The following TMEM14A variants were observed in gnomAD, a reference collection of about 807,000 sequenced individuals.
TMEM14A encodes transmembrane protein 14A.
In TMEM14A, 8 loss-of-function variants were observed where a neutral mutation model predicts 11.6. The ratio of observed to expected loss-of-function variants is 0.69; its 90% CI spans 0.40 to 1.24. The LOEUF is 1.24. Ranked by LOEUF, TMEM14A falls within the 50% of genes most tolerant of loss-of-function variation. The probability of loss-of-function intolerance (pLI) is 0.01; values close to 1 mark genes in which losing one functional copy is unlikely to be tolerated. For synonymous variants in TMEM14A, 34 were observed against 45.5 expected, an observed-to-expected ratio of 0.75 and a Z score of 1.02; for missense variants, 108 against 121.9, an observed-to-expected ratio of 0.89 and a Z score of 0.54.
At chr6:52,676,084 G>A (rs145333641) in intron 1 of TMEM14A, among the ~76,000 whole-genome samples, 1 of 152,328 alleles carries the variant, frequency 6.6e-6, no homozygotes. Context: ...AAGAGACCTG[G>A]CTGACCAGAG....
At chr6:52,685,804 C>T (rs1291852012) in intron 4 of TMEM14A, among the ~76,000 whole-genome samples, 3 of 152,136 alleles carry the variant, frequency 2.0e-5, no homozygotes, top group Non-Finnish European at 4.4e-5. Flanking sequence ...ACAACAGGTT[C>T]TGATTTTTCC....
At chr6:52,680,653 G>GTTTATATATATA (rs1769356255) in intron 2 of TMEM14A, among the ~76,000 whole-genome samples, 1 of 27,022 alleles carries the variant, frequency 3.7e-5, no homozygotes, top group Non-Finnish European at 7.6e-5. Flanking sequence ...ATATATATGT[G>GTTTATATATATA]TGTGTATATA....
intron 1 of TMEM14A, among the ~76,000 whole-genome samples, chr6:52,672,675 G>T (rs1769184313): frequency 6.6e-6 from 1 of 152,070 alleles, no homozygotes; most frequent in Non-Finnish European, 1.5e-5. Flanking sequence ...ATTCACCCCT[G>T]ACTTTCCCTT....
At chr6:52,680,858 G>GGTGT (rs70977374) in intron 2 of TMEM14A, among the ~76,000 whole-genome samples, 39 of 145,460 alleles carry the variant, frequency 2.7e-4, no homozygotes, top group African/African-American at 5.8e-4. Context: ...ATGCTGCTCT[G>GGTGT]GTGTGTGTGT....
intron 4 of TMEM14A, among the ~76,000 whole-genome samples, chr6:52,685,453 C>T (rs1037686791): frequency 8.5e-5 from 13 of 152,050 alleles, no homozygotes; most frequent in African/African-American, 1.7e-4. Context: ...AGTGTGGTGG[C>T]GGGCACCTGT....
intron 2 of TMEM14A, among the ~76,000 whole-genome samples, chr6:52,679,314 G>A (rs1769322301): frequency 6.6e-6 from 1 of 152,174 alleles, no homozygotes. Context: ...TCCTAGGCCA[G>A]GTAACATCGA....
In TMEM14A at chr6:52,680,665, A is replaced by ATATACATATG. The variant is rs1352415278; in HGVS notation, c.71-1147_71-1146insATACATATGT. 3.8e-4 allele frequency among the ~76,000 whole-genome samples: 18 copies of ATATACATATG among 47,202 alleles called. 1 individual carries two copies. Among genetic ancestry groups the ATATACATATG allele is most frequent in the East Asian group, 1.8e-3 (2 of 1,100 alleles). 31.0% of individuals were successfully genotyped at this position (47,202 alleles called of 152,430 possible). ...TGTATATATATGTGTGTGTATATATATGTGTATATATATATATACATATAT... is the reference window on the plus strand; with the variant it reads ...TGTATATATATGTGTGTGTATATATATATACATATGTGTGTATATATATATATACATATAT... On this transcript the variant is annotated intron_variant, in intron 2 of 4. Coordinates refer to ENST00000211314, the MANE Select transcript of TMEM14A (RefSeq NM_014051.4).
rs758417981 is a variant in TMEM14A, at chr6:52,680,691, G to GTGTGTGTATATA, written c.71-1121_71-1120insGTGTGTATATAT. On this transcript the variant is annotated intron_variant, in intron 2 of 4. Coordinates refer to ENST00000211314, the MANE Select transcript of TMEM14A (RefSeq NM_014051.4). The stretch of plus-strand genomic sequence containing the variant: ...TGTGTATATATATATATACATATAT[G>GTGTGTGTATATA]TATATATATATATACACATATATAT... Among the ~76,000 whole-genome samples, 5 of 35,318 alleles carry GTGTGTGTATATA rather than the reference G, an allele frequency of 1.4e-4. 1 individual carries two copies. Among genetic ancestry groups the GTGTGTGTATATA allele is most frequent in the Admixed American group, 2.9e-4 (1 of 3,406 alleles). 23.2% of individuals were successfully genotyped at this position (35,318 alleles called of 152,430 possible).
At chr6:52,684,951 T>C (rs936675090) in intron 4 of TMEM14A, among the ~76,000 whole-genome samples, 5 of 152,226 alleles carry the variant, frequency 3.3e-5, no homozygotes, top group African/African-American at 1.2e-4. Context: ...TAATGGAATA[T>C]TGAATGAGCA....
chr6:52,674,054 T>C (rs918952922), intron 1 of TMEM14A, among the ~76,000 whole-genome samples: 3 of 152,214 alleles, frequency 2.0e-5, no homozygotes, highest in Non-Finnish European at 1.5e-5. Context: ...AACAATCCTA[T>C]AAGGTAGATA....
intron 1 of TMEM14A, among the ~76,000 whole-genome samples, chr6:52,674,915 C>T (rs531197735): frequency 4.8e-5 from 7 of 145,080 alleles, no homozygotes; most frequent in African/African-American, 1.1e-4. Flanking sequence ...TTTTTTGAGA[C>T]GCCCAGGCTG....
At chr6:52,682,853 CA>C (rs1339698722) in intron 3 of TMEM14A, among the ~76,000 whole-genome samples, 1 of 152,162 alleles carries the variant, frequency 6.6e-6, no homozygotes, top group Non-Finnish European at 1.5e-5. Context: ...GATACAGCTC[CA>C]AAAAGGCTGA....
At chr6:52,683,855 TCCAC>T (rs1320335704) in intron 3 of TMEM14A, among the ~76,000 whole-genome samples, 4 of 152,308 alleles carry the variant, frequency 2.6e-5, no homozygotes, top group African/African-American at 7.2e-5. Context: ...CATCAGGTGA[TCCAC>T]CCATCTCTGC....
chr6:52,677,741 A>G (rs982855559), intron 2 of TMEM14A, among the ~76,000 whole-genome samples: 1 of 152,204 alleles, frequency 6.6e-6, no homozygotes, highest in Non-Finnish European at 1.5e-5. Context: ...TCATATATAT[A>G]CACAACCTTT....
chr6:52,681,915 G>A lies in TMEM14A; in HGVS notation c.172+1G>A. On this transcript the variant is annotated splice_donor_variant, in intron 3 of 4. Coordinates refer to ENST00000211314, the MANE Select transcript of TMEM14A (RefSeq NM_014051.4). LOFTEE classifies it high-confidence loss of function. ...AAACGAGATGTAAAAGTGTCACTGT[G>A]TAAGTAAGGCATTTTTCCTGGTTAC... 2 of 1,613,258 alleles carry A rather than the reference G, an allele frequency of 1.2e-6. No individual in the cohort carries two copies. Among genetic ancestry groups the A allele is most frequent in the Middle Eastern group, 1.7e-4 (1 of 6,060 alleles).
intron 3 of TMEM14A, among the ~76,000 whole-genome samples, chr6:52,682,692 A>G (rs1769414007): frequency 6.6e-6 from 1 of 151,480 alleles, no homozygotes; most frequent in African/African-American, 2.4e-5. Flanking sequence ...TGATATTAGG[A>G]TTTTTATTGA....
rs371102796 is a variant in TMEM14A at position 52,680,704 on chromosome 6, T to TATATATATATATATATATATATACAC, written c.71-1108_71-1107insTATATATATATATATATATATACACA. Reference sequence around the variant, plus strand: ...ATATACATATATGTATATATATATATACACATATATATATGGCATGGATGA... The same window carrying TATATATATATATATATATATATACAC: ...ATATACATATATGTATATATATATATATATATATATATATATATATATACACACACATATATATATGGCATGGATGA... On this transcript the variant is annotated intron_variant, in intron 2 of 4. Coordinates refer to ENST00000211314, the MANE Select transcript of TMEM14A (RefSeq NM_014051.4). Among the ~76,000 whole-genome samples, 327 of 51,098 alleles carry TATATATATATATATATATATATACAC rather than the reference T, an allele frequency of 6.4e-3. 36 individuals are homozygous for TATATATATATATATATATATATACAC. The highest frequency in any genetic ancestry group is 0.03 in the East Asian group (32 of 1,080). 33.5% of individuals were successfully genotyped at this position (51,098 alleles called of 152,430 possible). A position where few individuals can be genotyped will look rare whatever the true frequency, so the allele number is the denominator to read the frequency against.
intron 1 of TMEM14A, 68 bp from the exon 2 acceptor site, chr6:52,677,019 T>C (rs1191501640): frequency 4.8e-5 from 69 of 1,443,300 alleles, no homozygotes; most frequent in Non-Finnish European, 6.3e-5. Context: ...AAGCGTATCA[T>C]TTTTAGATAC....
chr6:52,676,298 G>A (rs1298421223), intron 1 of TMEM14A, among the ~76,000 whole-genome samples: 1 of 152,128 alleles, frequency 6.6e-6, no homozygotes, highest in Non-Finnish European at 1.5e-5. Context: ...TGTCATCCAG[G>A]CTGGAGTGCA....
Sources: allele counts gnomAD v4.1 joint callset (sites outside exome capture counted in the v4.1 genomes callset), GRCh38; gene constraint gnomAD v4.1.1; transcripts MANE v1.5; gene names NCBI Gene and HGNC (gene_info 2026-07-23, HGNC 2026-07-21).